The following AGBL4 variants were observed in gnomAD, a reference collection of about 807,000 sequenced individuals.
AGBL4 encodes AGBL carboxypeptidase 4, also known as cytosolic carboxypeptidase 6.
A neutral mutation model predicts 66.4 loss-of-function variants in AGBL4; 58 were observed. The observed-to-expected ratio is 0.87, with a 90% CI of 0.71 to 1.09. The LOEUF (loss-of-function observed/expected upper bound fraction) is 1.09, where lower values mean the gene tolerates loss of function less well. Among genes scored for constraint, AGBL4 ranks in the 50% least tolerant of loss-of-function variants. The probability of loss-of-function intolerance (pLI) is 0.00; values close to 1 mark genes in which losing one functional copy is unlikely to be tolerated. For missense variants in AGBL4, 579 were observed against 631.0 expected, an observed-to-expected ratio of 0.92 and a Z score of 0.88; for synonymous variants, 234 against 222.9, an observed-to-expected ratio of 1.05 and a Z score of -0.44.
intron 9 of AGBL4, among the ~76,000 whole-genome samples, chr1:48,614,468 G>C (rs1460508335): frequency 2.0e-5 from 3 of 152,364 alleles, no homozygotes; most frequent in South Asian, 2.1e-4. Context: ...TATTGAGGCT[G>C]ATCATAGGAA....
intron 5 of AGBL4, among the ~76,000 whole-genome samples, chr1:48,966,101 A>T (rs922992031): frequency 2.6e-5 from 4 of 152,144 alleles, no homozygotes; most frequent in African/African-American, 9.7e-5. Context: ...CAGAATTGTT[A>T]ATAAGGTTTT....
intron 5 of AGBL4, among the ~76,000 whole-genome samples, chr1:49,003,126 G>A (rs576628137): frequency 3.3e-5 from 5 of 152,228 alleles, no homozygotes; most frequent in Admixed American, 6.5e-5. Context: ...GGCCAGGCAC[G>A]TTGGTGCACG....
chr1:49,420,763 T>G (rs1471682356), intron 3 of AGBL4, among the ~76,000 whole-genome samples: 3 of 152,298 alleles, frequency 2.0e-5, no homozygotes, highest in Non-Finnish European at 4.4e-5. Context: ...TTGCTATTGT[T>G]ACTATCAAGA....
At chr1:48,788,321 G>A (rs1179907806) in intron 6 of AGBL4, among the ~76,000 whole-genome samples, 1 of 152,176 alleles carries the variant, frequency 6.6e-6, no homozygotes, top group Non-Finnish European at 1.5e-5. Flanking sequence ...GACAAGGATG[G>A]GTTCCTGGAG....
chr1:49,506,261 T>G (rs1648677868), intron 3 of AGBL4, among the ~76,000 whole-genome samples: 1 of 152,218 alleles, frequency 6.6e-6, no homozygotes, highest in South Asian at 2.1e-4. Context: ...TTTACAAAAA[T>G]TTTTCACAAA....
At chr1:49,928,061 G>A (rs995898088) in intron 1 of AGBL4, among the ~76,000 whole-genome samples, 9 of 151,692 alleles carry the variant, frequency 5.9e-5, no homozygotes, top group South Asian at 2.1e-4. Flanking sequence ...TATAATTAAC[G>A]AGATAAAAAA....
At chr1:48,527,440 T>C in the AGBL4 span, among the ~76,000 whole-genome samples, 1 of 151,618 alleles carries the variant, frequency 6.6e-6, no homozygotes, top group African/African-American at 2.4e-5. Context: ...ACTAAAAAAA[T>C]ACAAAAATTA....
intron 3 of AGBL4, among the ~76,000 whole-genome samples, chr1:49,516,098 G>A (rs1020901094): frequency 6.6e-6 from 1 of 151,150 alleles, no homozygotes; most frequent in African/African-American, 2.4e-5. Context: ...CTGGCCCAAT[G>A]GAGGGGGTAC....
chr1:49,282,222 C>A (rs933862949), intron 3 of AGBL4, among the ~76,000 whole-genome samples: 2 of 152,044 alleles, frequency 1.3e-5, no homozygotes, highest in African/African-American at 4.8e-5. Context: ...AGTAGGAAAA[C>A]CTACTTTTTT....
At chr1:49,053,074 G>A (rs1490808530) in intron 4 of AGBL4, among the ~76,000 whole-genome samples, 1 of 152,090 alleles carries the variant, frequency 6.6e-6, no homozygotes, top group Non-Finnish European at 1.5e-5. Context: ...CTTAGTAAAT[G>A]GTAAATGTGA....
chr1:48,720,419 G>A (rs1409358885), intron 6 of AGBL4, among the ~76,000 whole-genome samples: 1 of 152,206 alleles, frequency 6.6e-6, no homozygotes, highest in Non-Finnish European at 1.5e-5. Flanking sequence ...GAGATCTAAG[G>A]TAGCATCTAG....
intron 3 of AGBL4, among the ~76,000 whole-genome samples, chr1:49,528,222 G>A (rs1325823173): frequency 6.6e-6 from 1 of 152,058 alleles, no homozygotes; most frequent in Non-Finnish European, 1.5e-5. Context: ...AGGAAAAGCA[G>A]AGAAAAATAA....
intron 4 of AGBL4, among the ~76,000 whole-genome samples, chr1:49,180,062 C>T (rs1023069964): frequency 2.6e-5 from 4 of 152,016 alleles, no homozygotes; most frequent in Admixed American, 6.6e-5. Context: ...CCACCATGCC[C>T]GGCTAATTTT....
intron 6 of AGBL4, among the ~76,000 whole-genome samples, chr1:48,767,444 T>C (rs145164908): frequency 4.2e-4 from 64 of 152,086 alleles, no homozygotes; most frequent in African/African-American, 1.5e-3. Flanking sequence ...ATGAAAGAGA[T>C]GTTTTAGGAA....
chr1:48,778,628 A>G (rs1645200966), intron 6 of AGBL4, among the ~76,000 whole-genome samples: 1 of 152,332 alleles, frequency 6.6e-6, no homozygotes, highest in Non-Finnish European at 1.5e-5. Context: ...TAGTAGTGGT[A>G]GATGATTTTG....
intron 3 of AGBL4, among the ~76,000 whole-genome samples, chr1:49,644,280 G>A (rs574802710): frequency 6.6e-6 from 1 of 151,520 alleles, no homozygotes; most frequent in African/African-American, 2.4e-5. Flanking sequence ...CACAAAAAGA[G>A]GCAACATTGA....
intron 5 of AGBL4, among the ~76,000 whole-genome samples, chr1:48,976,099 C>G (rs912462670): frequency 6.6e-6 from 1 of 152,144 alleles, no homozygotes; most frequent in African/African-American, 2.4e-5. Flanking sequence ...TCAGGGAGAT[C>G]TGAGCAAGAC....
At chr1:48,796,069 A>G (rs1175309559) in intron 6 of AGBL4, among the ~76,000 whole-genome samples, 1 of 152,246 alleles carries the variant, frequency 6.6e-6, no homozygotes, top group African/African-American at 2.4e-5. Flanking sequence ...CAGTGGGTCA[A>G]CTTCCTTTTA....
chr1:49,015,745 C>T (rs1662773991), intron 5 of AGBL4, among the ~76,000 whole-genome samples: 1 of 152,010 alleles, frequency 6.6e-6, no homozygotes, highest in Admixed American at 6.6e-5. Context: ...TTAACATTAT[C>T]CTTACTCCGT....
Sources: allele counts gnomAD v4.1 joint callset (sites outside exome capture counted in the v4.1 genomes callset), GRCh38; gene constraint gnomAD v4.1.1; transcripts MANE v1.5; gene names NCBI Gene and HGNC (gene_info 2026-07-23, HGNC 2026-07-21).